Variants in MAML3 observed in about 807,000 individuals in gnomAD.
The protein encoded by MAML3 is mastermind like transcriptional coactivator 3.
Under a neutral mutation model 101.9 loss-of-function variants are expected in MAML3, and 27 were observed. That is an observed-to-expected ratio of 0.27 (90% confidence interval 0.20 to 0.37). MAML3 has a LOEUF of 0.37. Ranked by LOEUF, MAML3 falls within the 10% of genes least tolerant of loss-of-function variation. MAML3 has a pLI of 1.00. For missense variants in MAML3, 1,316 were observed against 1,444.9 expected (o/e 0.91, Z 1.45); for synonymous variants, 501 against 555.9 (o/e 0.90, Z 1.39).
chr4:139,991,346 C>T (rs1217170578), intron 1 of MAML3, among the ~76,000 whole-genome samples: 1 of 152,102 alleles, frequency 6.6e-6, no homozygotes, highest in Non-Finnish European at 1.5e-5. Context: ...ACAGGCTAGC[C>T]ATATGTAGAA....
intron 2 of MAML3, among the ~76,000 whole-genome samples, chr4:139,837,944 T>C (rs1731287745): frequency 6.6e-6 from 1 of 151,426 alleles, no homozygotes; most frequent in Non-Finnish European, 1.5e-5. Flanking sequence ...AAAAAATATA[T>C]ACATATATAT....
intron 1 of MAML3, among the ~76,000 whole-genome samples, chr4:140,072,625 G>A (rs1222791237): frequency 1.3e-5 from 2 of 151,050 alleles, no homozygotes; most frequent in African/African-American, 2.4e-5. Context: ...AGCCAATATC[G>A]TGCCATTGCA....
At chr4:139,743,919 T>G (rs1417817510) in intron 2 of MAML3, among the ~76,000 whole-genome samples, 1 of 152,226 alleles carries the variant, frequency 6.6e-6, no homozygotes, top group Non-Finnish European at 1.5e-5. Context: ...TACATTCATG[T>G]ACAGGGTGCT....
At chr4:140,068,020 C>T (rs937678625) in intron 1 of MAML3, among the ~76,000 whole-genome samples, 3 of 152,114 alleles carry the variant, frequency 2.0e-5, no homozygotes, top group African/African-American at 4.8e-5. Context: ...CGTGAGCCAC[C>T]GCACCTGGCA....
At chr4:140,011,315 T>C (rs1163412670) in intron 1 of MAML3, among the ~76,000 whole-genome samples, 1 of 141,454 alleles carries the variant, frequency 7.1e-6, no homozygotes, top group African/African-American at 2.5e-5. Context: ...AGACATTGAT[T>C]GGTTTTACTC....
At chr4:140,082,892 G>C (rs1032442917) in intron 1 of MAML3, among the ~76,000 whole-genome samples, 2 of 152,134 alleles carry the variant, frequency 1.3e-5, no homozygotes, top group Non-Finnish European at 2.9e-5. Flanking sequence ...CTATTTACAA[G>C]TGAACTGGAC....
chr4:140,115,686 C>T (rs933286345), intron 1 of MAML3, among the ~76,000 whole-genome samples: 3 of 152,184 alleles, frequency 2.0e-5, no homozygotes, highest in Non-Finnish European at 4.4e-5. Context: ...GAAACAGGTA[C>T]ATAAAGAGCA....
At chr4:139,814,565 CT>C (rs1328370623) in intron 2 of MAML3, among the ~76,000 whole-genome samples, 2 of 152,184 alleles carry the variant, frequency 1.3e-5, no homozygotes, top group Non-Finnish European at 2.9e-5. Flanking sequence ...GCCCAAGCTT[CT>C]CTTGATTTGT....
intron 2 of MAML3, among the ~76,000 whole-genome samples, chr4:139,747,536 A>C (rs957620619): frequency 6.6e-6 from 1 of 152,028 alleles, no homozygotes; most frequent in African/African-American, 2.4e-5. Context: ...TCTACTAAAA[A>C]TACAAAAATT....
intron 1 of MAML3, among the ~76,000 whole-genome samples, chr4:140,098,850 C>T (rs1728202822): frequency 6.6e-6 from 1 of 152,098 alleles, no homozygotes; most frequent in Non-Finnish European, 1.5e-5. Flanking sequence ...CCTTTTTGCT[C>T]TTAAAATGAG....
intron 1 of MAML3, among the ~76,000 whole-genome samples, chr4:140,081,411 T>C (rs1727860347): frequency 6.6e-6 from 1 of 152,172 alleles, no homozygotes; most frequent in South Asian, 2.1e-4. Context: ...GACAACACTC[T>C]CCTTATTTAC....
chr4:139,759,864 T>C (rs1292761036), intron 2 of MAML3, among the ~76,000 whole-genome samples: 1 of 152,168 alleles, frequency 6.6e-6, no homozygotes, highest in Non-Finnish European at 1.5e-5. Flanking sequence ...AAGGCGAACA[T>C]GATATTGATT....
rs1356723825 is a variant in MAML3, at chr4:139,730,548, C to T, written c.2199G>A (p.Gln733=). The T allele has an allele frequency of 1.3e-6, 2 of 1,580,762 alleles. No homozygotes were observed. Among genetic ancestry groups the T allele is most frequent in the Non-Finnish European group, 1.7e-6 (2 of 1,163,764 alleles). ...TCTGCTTCATGATGGCTGCTTGGGGCTGGCTGCCCAGGAAGCCGGGGCCTG... is the reference window on the plus strand; with the variant it reads ...TCTGCTTCATGATGGCTGCTTGGGGTTGGCTGCCCAGGAAGCCGGGGCCTG... ...SPAGPGFLGS[Q]PQAAIMKQML... The change falls in exon 3 of 5, where the codon CAG becomes CAA. Residue 733 remains glutamine, a synonymous_variant. Coordinates refer to ENST00000509479, the MANE Select transcript of MAML3 (RefSeq NM_018717.5).
At chr4:139,944,803 G>C (rs1414610980) in intron 1 of MAML3, among the ~76,000 whole-genome samples, 1 of 145,320 alleles carries the variant, frequency 6.9e-6, no homozygotes, top group Non-Finnish European at 1.5e-5. Flanking sequence ...GAAACAACAG[G>C]TGCTGGAGAG....
At chr4:139,861,223 C>A (rs1204564281) in intron 2 of MAML3, among the ~76,000 whole-genome samples, 1 of 152,096 alleles carries the variant, frequency 6.6e-6, no homozygotes, top group Non-Finnish European at 1.5e-5. Context: ...TTTCTTATTT[C>A]TCTTTCTCCC....
chr4:139,928,262 A>T (rs1211717789), intron 1 of MAML3, among the ~76,000 whole-genome samples: 2 of 152,184 alleles, frequency 1.3e-5, no homozygotes, highest in African/African-American at 2.4e-5. Flanking sequence ...AAACTCATTC[A>T]TGGATTGATT....
chr4:139,720,868 T>C (rs1411472465), intron 4 of MAML3, among the ~76,000 whole-genome samples: 2 of 152,228 alleles, frequency 1.3e-5, no homozygotes, highest in Admixed American at 1.3e-4. Context: ...GAGAATACTA[T>C]CAATAAAGAC....
chr4:140,130,354 T>C (rs983779675), intron 1 of MAML3, among the ~76,000 whole-genome samples: 16 of 152,336 alleles, frequency 1.1e-4, no homozygotes, highest in African/African-American at 3.4e-4. Flanking sequence ...CCCATAATTT[T>C]ATCTGCCCAA....
intron 1 of MAML3, among the ~76,000 whole-genome samples, chr4:139,988,020 C>CAAAAAAAAA (rs71593735): frequency 3.2e-5 from 1 of 31,444 alleles, no homozygotes; most frequent in Non-Finnish European, 5.5e-5. Context: ...AACTCCGTCT[C>CAAAAAAAAA]AAAAAAAAAA....
Sources: gnomAD v4.1 joint callset for allele counts (sites outside exome capture counted in the v4.1 genomes callset) on GRCh38, gnomAD v4.1.1 for gene constraint, MANE v1.5 for transcripts, NCBI Gene and HGNC (gene_info 2026-07-23, HGNC 2026-07-21) for gene names.